The following NME7 variants were observed in gnomAD, a reference collection of about 807,000 sequenced individuals.
The protein encoded by NME7 is NME/NM23 family member 7.
In NME7, 41 loss-of-function variants were observed where a neutral mutation model predicts 49.1. That is an observed-to-expected ratio of 0.83 (90% CI 0.65 to 1.08). The LOEUF is 1.08. Among genes scored for constraint, NME7 ranks in the 50% least tolerant of loss-of-function variants. NME7 has a pLI of 0.00. For synonymous variants in NME7, 139 were observed against 150.6 expected (o/e 0.92, Z 0.56); for missense variants, 423 against 463.4 (o/e 0.91, Z 0.80).
chr1:169,134,379 C>G (rs760635606), intron 11 of NME7, among the ~76,000 whole-genome samples: 5 of 152,036 alleles, frequency 3.3e-5, no homozygotes, highest in Non-Finnish European at 7.4e-5. Flanking sequence ...ATCTATCTCC[C>G]TTGGGGTGTT....
intron 3 of NME7, among the ~76,000 whole-genome samples, chr1:169,318,706 A>T (rs1394586524): frequency 6.6e-6 from 1 of 152,160 alleles, no homozygotes; most frequent in Non-Finnish European, 1.5e-5. Flanking sequence ...GTGATGACAT[A>T]AATTTGGAAA....
At chr1:169,204,886 T>C (rs945726083) in intron 10 of NME7, among the ~76,000 whole-genome samples, 3 of 152,162 alleles carry the variant, frequency 2.0e-5, no homozygotes, top group African/African-American at 7.2e-5. Flanking sequence ...GCAAGCTTAG[T>C]ATCTTTACAG....
chr1:169,342,910 A>AGT (rs1219770883), intron 1 of NME7, among the ~76,000 whole-genome samples: 5,215 of 80,936 alleles, frequency 0.064, 1,311 homozygotes, highest in East Asian at 0.11. Flanking sequence ...ACATATATAT[A>AGT]GTGTATATAT....
In NME7 at chr1:169,342,775, CAT is replaced by C. The variant is rs1172316000; in HGVS notation, c.4-18277_4-18276del. 2.2e-3 allele frequency among the ~76,000 whole-genome samples: 64 copies of C among 29,048 alleles called. 2 individuals are homozygous for C. Among genetic ancestry groups the C allele is most frequent in the East Asian group, 8.3e-3 (1 of 120 alleles). The allele number at this position is 29,048 out of a possible 152,430, so 19.1% of individuals were successfully genotyped here. ...TATATAGTATATATATATACAAGTA[CAT>C]ATATATATAGTATATATATATACAA... On this transcript the variant is annotated intron_variant, in intron 1 of 11. Transcript: ENST00000367811.
intron 11 of NME7, among the ~76,000 whole-genome samples, chr1:169,141,204 C>T (rs1216800232): frequency 6.6e-6 from 1 of 152,212 alleles, no homozygotes; most frequent in Non-Finnish European, 1.5e-5. Context: ...GAAATCAGAG[C>T]CCAAACCAAG....
At chr1:169,173,699 C>G (rs1659669705) in intron 10 of NME7, among the ~76,000 whole-genome samples, 1 of 152,022 alleles carries the variant, frequency 6.6e-6, no homozygotes, top group Admixed American at 6.6e-5. Context: ...GCACTTCCCC[C>G]CTCCATTTCC....
chr1:169,140,752 T>G (rs1571237992), intron 11 of NME7, among the ~76,000 whole-genome samples: 1 of 148,670 alleles, frequency 6.7e-6, no homozygotes, highest in Non-Finnish European at 1.5e-5. Flanking sequence ...AGATTTCAAA[T>G]AAAAGAAATT....
intron 10 of NME7, among the ~76,000 whole-genome samples, chr1:169,223,086 T>C (rs1266695817): frequency 2.6e-5 from 4 of 152,204 alleles, no homozygotes; most frequent in African/African-American, 9.6e-5. Context: ...CCTGAACAGT[T>C]CCTCAGTCTT....
In NME7 at chr1:169,132,752, T is replaced by A; in HGVS notation, c.*33A>T. Reference sequence around the variant, plus strand: ...TGTGTGATTCACTCTTGTCTAAATGTCCCAACCTGTGACTTCTTTACTTTC... The same window carrying A: ...TGTGTGATTCACTCTTGTCTAAATGACCCAACCTGTGACTTCTTTACTTTC... On this transcript the variant is annotated 3_prime_UTR_variant, in exon 12 of 12. Transcript: ENST00000367811. The A allele has an allele frequency of 1.2e-6, 2 of 1,604,392 alleles. No individual in the cohort carries two copies. The highest frequency in any genetic ancestry group is 8.5e-7 in the Non-Finnish European group (1 of 1,172,256).
intron 11 of NME7, among the ~76,000 whole-genome samples, chr1:169,139,123 G>T (rs1387774643): frequency 6.6e-6 from 1 of 152,136 alleles, no homozygotes; most frequent in Non-Finnish European, 1.5e-5. Context: ...ATCTCAGTGT[G>T]AACTTAGTCA....
chr1:169,158,013 C>G (rs371738015), intron 11 of NME7, among the ~76,000 whole-genome samples: 4 of 152,298 alleles, frequency 2.6e-5, no homozygotes, highest in African/African-American at 9.6e-5. Context: ...TGTCTGTTTA[C>G]TATGTTGATA....
In NME7 at chr1:169,367,758, G is replaced by A. The variant is rs371770204; in HGVS notation, c.-48C>T. 12 of 1,612,734 alleles carry A rather than the reference G, an allele frequency of 7.4e-6. No homozygotes were observed. Among genetic ancestry groups the A allele is most frequent in the Non-Finnish European group, 9.3e-6 (11 of 1,178,920 alleles). ...AAAATAGGTATCGTTGAGACAGGAA[G>A]ACACCACCACCACCACCATCATACG... On this transcript the variant is annotated 5_prime_UTR_variant, in exon 1 of 12. Coordinates refer to ENST00000367811, the MANE Select transcript of NME7 (RefSeq NM_013330.5).
intron 1 of NME7, among the ~76,000 whole-genome samples, chr1:169,336,174 T>C (rs1652461827): frequency 6.6e-6 from 1 of 151,986 alleles, no homozygotes; most frequent in African/African-American, 2.4e-5. Flanking sequence ...GAGTTGTTCG[T>C]TCCTCCCGGT....
chr1:169,165,812 C>A (rs1242684317), intron 11 of NME7, among the ~76,000 whole-genome samples: 5 of 152,158 alleles, frequency 3.3e-5, no homozygotes, highest in Non-Finnish European at 5.9e-5. Flanking sequence ...ACTATCTCAG[C>A]ACTCTTTATT....
At chr1:169,207,891 C>A (rs1011108384) in intron 10 of NME7, among the ~76,000 whole-genome samples, 69 of 152,080 alleles carry the variant, frequency 4.5e-4, no homozygotes, top group Admixed American at 3.2e-3. Flanking sequence ...TTTCTCTTCC[C>A]TAAAAAGTAA....
chr1:169,277,552 C>T (rs1485078426), intron 7 of NME7, among the ~76,000 whole-genome samples: 1 of 87,210 alleles, frequency 1.1e-5, no homozygotes, highest in East Asian at 7.4e-4. Context: ...GATCTTCCTC[C>T]ATCCTTTTAT....
At chr1:169,315,421 G>A (rs531316492) in intron 3 of NME7, among the ~76,000 whole-genome samples, 17 of 151,724 alleles carry the variant, frequency 1.1e-4, no homozygotes, top group African/African-American at 3.4e-4. Context: ...ACGCCTCCAC[G>A]GCCGGCTAAT....
rs1370681922 is a variant in NME7, at chr1:169,276,550, T to G, written c.754+10753A>C. ...GTGGTGATATCCCCTTTATCAGTTT[T>G]TATTGCGTCTATTAGATTCTTCTCT... On this transcript the variant is annotated intron_variant, in intron 7 of 11. Transcript: ENST00000367811. 2.3e-4 allele frequency among the ~76,000 whole-genome samples: 30 copies of G among 132,878 alleles called. 4 individuals carry two copies. Among genetic ancestry groups the G allele is most frequent in the African/African-American group, 6.6e-4 (26 of 39,358 alleles). The allele number at this position is 132,878 out of a possible 152,430, so 87.2% of individuals were successfully genotyped here. A position where few individuals can be genotyped will look rare whatever the true frequency, so the allele number is the denominator to read the frequency against.
intron 3 of NME7, among the ~76,000 whole-genome samples, chr1:169,314,784 CAAACAA>C (rs1651547787): frequency 6.6e-6 from 1 of 151,524 alleles, no homozygotes; most frequent in South Asian, 2.1e-4. Context: ...AAAAAACAAA[CAAACAA>C]AAACAAAAAC....
Sources: gnomAD v4.1 joint callset for allele counts (sites outside exome capture counted in the v4.1 genomes callset) on GRCh38, gnomAD v4.1.1 for gene constraint, MANE v1.5 for transcripts, NCBI Gene and HGNC (gene_info 2026-07-23, HGNC 2026-07-21) for gene names.